ITSN2: variants seen among roughly 807,000 people sequenced by gnomAD.
The protein encoded by ITSN2 is intersectin 2.
ITSN2 carries 156 observed loss-of-function variants against 243.7 expected under a neutral mutation model. The ratio of observed to expected loss-of-function variants is 0.64; its 90% CI spans 0.56 to 0.73. The LOEUF (loss-of-function observed/expected upper bound fraction) is 0.73. Ranked by LOEUF, ITSN2 falls within the 30% of genes least tolerant of loss-of-function variation. The pLI is 0.00. For missense variants in ITSN2, 1,801 were observed against 1,996.1 expected (o/e 0.90, Z 1.86); for synonymous variants, 703 against 699.9 (o/e 1.00, Z -0.07).
At chr2:24,235,586 A>G (rs1032598444) in intron 29 of ITSN2, among the ~76,000 whole-genome samples, 1 of 152,228 alleles carries the variant, frequency 6.6e-6, no homozygotes, top group African/African-American at 2.4e-5. Flanking sequence ...GGCAAGGGAC[A>G]TATGGGATAT....
chr2:24,248,855 C>T lies in ITSN2; in HGVS notation c.3148G>A (p.Ala1050Thr). The change falls in exon 26 of 40, where the codon GCA becomes ACA. Residue 1050 changes from alanine to threonine, a missense_variant. Ala to Thr is a moderately conservative substitution (Grantham distance 58). Transcript: ENST00000355123. ...TACGTACCAGGTTTTTTATTTGATG[C>T]TCCAGACTTGCTAGCACTCCCAAAA... ...ESFGSASKSG[A>T]SNKKPEIAQV... is the part of the protein sequence containing the mutation. 1 of 1,613,778 alleles carries T rather than the reference C, an allele frequency of 6.2e-7. No homozygotes were observed. The highest frequency in any genetic ancestry group is 2.2e-5 in the East Asian group (1 of 44,862).
chr2:24,246,707 A>G (rs1475455267), intron 28 of ITSN2, 90 bp downstream of exon 28: 7 of 781,680 alleles, frequency 9.0e-6, no homozygotes, highest in Non-Finnish European at 1.5e-5. Flanking sequence ...ACACATTTTT[A>G]ATGTTTTCCA....
intron 19 of ITSN2, 72 bp downstream of exon 19, chr2:24,271,694 T>C (rs1426882747): frequency 7.0e-7 from 1 of 1,420,384 alleles, no homozygotes; most frequent in African/African-American, 1.5e-5. Context: ...TTCTTCCCTT[T>C]TTTTGTCTCT....
chr2:24,283,073 C>T (rs1553371012), intron 17 of ITSN2, among the ~76,000 whole-genome samples: 2 of 146,146 alleles, frequency 1.4e-5, no homozygotes, highest in Non-Finnish European at 3.0e-5. Flanking sequence ...TCTTTTCATT[C>T]TAAGAGTTGT....
intron 1 of ITSN2, among the ~76,000 whole-genome samples, chr2:24,356,604 G>T (rs1688473244): frequency 1.3e-5 from 2 of 152,100 alleles, no homozygotes; most frequent in South Asian, 2.1e-4. Context: ...CTGATCATCA[G>T]AGAACTGCAA....
chr2:24,319,963 G>C (rs1684361549), intron 2 of ITSN2, among the ~76,000 whole-genome samples: 1 of 152,152 alleles, frequency 6.6e-6, no homozygotes, highest in South Asian at 2.1e-4. Context: ...CACTGGCTAG[G>C]GTTGTCAGAG....
intron 18 of ITSN2, among the ~76,000 whole-genome samples, chr2:24,274,912 A>G (rs1218903032): frequency 6.6e-6 from 1 of 152,246 alleles, no homozygotes; most frequent in Non-Finnish European, 1.5e-5. Flanking sequence ...AAGAAAGAGA[A>G]GAATGTATTA....
At chr2:24,264,940 A>G (rs901080237) in intron 20 of ITSN2, among the ~76,000 whole-genome samples, 4 of 152,032 alleles carry the variant, frequency 2.6e-5, no homozygotes, top group African/African-American at 9.7e-5. Flanking sequence ...CAAAAAAAAA[A>G]AACAAAGCCT....
intron 2 of ITSN2, among the ~76,000 whole-genome samples, chr2:24,322,164 C>T (rs182399669): frequency 3.3e-5 from 5 of 152,266 alleles, no homozygotes; most frequent in Admixed American, 3.3e-4. Context: ...AATATACCTC[C>T]ATTATAGCTA....
At chr2:24,256,163 G>T (rs377370051) in intron 23 of ITSN2, among the ~76,000 whole-genome samples, 2 of 152,246 alleles carry the variant, frequency 1.3e-5, no homozygotes, top group African/African-American at 4.8e-5. Context: ...GGTGGAGGTT[G>T]CAGTGAGCCA....
chr2:24,205,120 C>A, intron 38 of ITSN2, 94 bp downstream of exon 38: 1 of 1,015,766 alleles, frequency 9.8e-7, no homozygotes, highest in Non-Finnish European at 1.5e-6. Context: ...GCACTCCAGC[C>A]TAGGTTATAC....
chr2:24,216,452 A>G (rs1038700865), intron 31 of ITSN2, among the ~76,000 whole-genome samples: 1 of 152,178 alleles, frequency 6.6e-6, no homozygotes, highest in Non-Finnish European at 1.5e-5. Flanking sequence ...AAAAAAGTAA[A>G]TAAAGTCCCT....
chr2:24,282,270 T>C (rs1678882281), intron 17 of ITSN2, among the ~76,000 whole-genome samples: 1 of 152,130 alleles, frequency 6.6e-6, no homozygotes, highest in African/African-American at 2.4e-5. Context: ...GAAGAGCATG[T>C]CAACAGGCAC....
chr2:24,214,790 A>G (rs1669812067), intron 32 of ITSN2, among the ~76,000 whole-genome samples: 1 of 152,164 alleles, frequency 6.6e-6, no homozygotes, highest in Non-Finnish European at 1.5e-5. Flanking sequence ...AAACATCTTT[A>G]TATTTTATTC....
intron 25 of ITSN2, among the ~76,000 whole-genome samples, chr2:24,251,320 A>AAAAAAAAAAAAAAAT (rs1674102596): frequency 3.7e-4 from 1 of 2,732 alleles, no homozygotes; most frequent in African/African-American, 1.0e-3. Flanking sequence ...AAAAAAAAAA[A>AAAAAAAAAAAAAAAT]AAAATAAAAT....
At chr2:24,271,052 C>T (rs1246778829) in intron 19 of ITSN2, among the ~76,000 whole-genome samples, 1 of 152,042 alleles carries the variant, frequency 6.6e-6, no homozygotes, top group Non-Finnish European at 1.5e-5. Flanking sequence ...GAGTGGGGGC[C>T]AGGCTGAGCT....
chr2:24,233,042 C>A (rs866484589), intron 29 of ITSN2, among the ~76,000 whole-genome samples: 1 of 152,222 alleles, frequency 6.6e-6, no homozygotes, highest in African/African-American at 2.4e-5. Context: ...GTCACACACA[C>A]AATTAGGACC....
intron 22 of ITSN2, among the ~76,000 whole-genome samples, chr2:24,260,433 A>G (rs765573267): frequency 1.3e-5 from 2 of 151,946 alleles, no homozygotes; most frequent in Non-Finnish European, 2.9e-5. Context: ...TATACGTTAA[A>G]AAGTTCTAAC....
rs867616869 is a variant in ITSN2, at chr2:24,360,070, G to C, written c.-34+234C>G. The stretch of plus-strand genomic sequence containing the variant: ...GGGGCAGCCCAGCCCAGGCCCCCTC[G>C]GCGTCTGTCCCGGCCCGGCAGCAGA... On this transcript the variant is annotated intron_variant, in intron 1 of 39. Transcript: ENST00000355123. Among the ~76,000 whole-genome samples, 4 of 152,120 alleles carry C rather than the reference G, an allele frequency of 2.6e-5. No individual in the cohort carries two copies. The East Asian group carries it at 7.8e-4, about 30-fold the overall frequency.
Sources: allele counts gnomAD v4.1 joint callset (sites outside exome capture counted in the v4.1 genomes callset), GRCh38; gene constraint gnomAD v4.1.1; transcripts MANE v1.5; gene names NCBI Gene and HGNC (gene_info 2026-07-23, HGNC 2026-07-21).